Variants in OGFRL1 observed in about 807,000 individuals in gnomAD.
OGFRL1 encodes the protein opioid growth factor receptor-like protein 1.
In OGFRL1, 26 loss-of-function variants were observed where a neutral mutation model predicts 32.4. The observed-to-expected ratio is 0.80, with a 90% CI of 0.59 to 1.11. The LOEUF (loss-of-function observed/expected upper bound fraction) is 1.11. Among genes scored for constraint, OGFRL1 ranks in the 50% most tolerant of loss-of-function variants. The probability of loss-of-function intolerance (pLI) is 0.00; values close to 1 mark genes in which losing one functional copy is unlikely to be tolerated. For missense variants in OGFRL1, 521 were observed against 546.4 expected, an observed-to-expected ratio of 0.95 and a Z score of 0.46; for synonymous variants, 211 against 201.2, an observed-to-expected ratio of 1.05 and a Z score of -0.41.
intron 6 of OGFRL1, among the ~76,000 whole-genome samples, chr6:71,297,727 A>C (rs138371027): frequency 3.2e-4 from 49 of 152,092 alleles, no homozygotes; most frequent in Middle Eastern, 6.8e-3. Context: ...TTTGTGCATC[A>C]GTTAACTATT....
chr6:71,296,045 C>T (rs1766197750), intron 3 of OGFRL1, among the ~76,000 whole-genome samples: 1 of 152,248 alleles, frequency 6.6e-6, no homozygotes, highest in South Asian at 2.1e-4. Flanking sequence ...ATTTAAAAAA[C>T]AGCTGGCAGG....
At chr6:71,291,408 C>CA (rs1417124071) in intron 1 of OGFRL1, 1 of 152,122 alleles carries the variant, frequency 6.6e-6, no homozygotes, top group Non-Finnish European at 1.5e-5. Context: ...TGGTGATTTG[C>CA]TATAAAAAAG....
rs1006386388 is a variant in OGFRL1, at chr6:71,305,600, T to G, written c.*3551T>G. 1.3e-5 allele frequency: 2 copies of G among 152,064 alleles called. No homozygotes were observed. The highest frequency in any genetic ancestry group is 6.6e-5 in the Admixed American group (1 of 15,260). 9.4% of individuals were successfully genotyped at this position (152,064 alleles called of 1,614,324 possible). On this transcript the variant is annotated 3_prime_UTR_variant, in exon 7 of 7. Coordinates refer to ENST00000370435, the MANE Select transcript of OGFRL1 (RefSeq NM_024576.5). ...GAGTTACTAGAGAAGTTCTAAGTATTTTTTTGCTAAGTAGTAAAAATATAA... is the reference window on the plus strand; with the variant it reads ...GAGTTACTAGAGAAGTTCTAAGTATGTTTTTGCTAAGTAGTAAAAATATAA...
In OGFRL1 at chr6:71,289,153, G is replaced by A; in HGVS notation, c.217G>A (p.Ala73Thr). ...CCCCGCGCCGGACGAGGACGCCGAG[G>A]CGGCGGGCGCCGAGCAGGTACGCGG... The part of the protein sequence containing the change: ...ASPAPDEDAE[A>T]AGAEQGGDST... The change falls in exon 1 of 7, where the codon GCG becomes ACG. Residue 73 changes from alanine (A) to threonine (T), a missense_variant. Physicochemically the swap from Ala to Thr is moderately conservative, Grantham distance 58. Coordinates refer to ENST00000370435, the MANE Select transcript of OGFRL1 (RefSeq NM_024576.5). 4 of 1,080,552 alleles carry A rather than the reference G, an allele frequency of 3.7e-6. No individual in the cohort carries two copies. The highest frequency in any genetic ancestry group is 4.5e-6 in the Non-Finnish European group (4 of 894,138). The allele number at this position is 1,080,552 out of a possible 1,614,324, so 66.9% of individuals were successfully genotyped here.
intron 3 of OGFRL1, 53 bp downstream of exon 3, chr6:71,293,664 G>GT: frequency 8.3e-7 from 1 of 1,198,358 alleles, no homozygotes; most frequent in East Asian, 2.4e-5. Flanking sequence ...CATACACTTG[G>GT]TTATTCTTTA....
chr6:71,289,914 C>A, intron 1 of OGFRL1: 1 of 739,362 alleles, frequency 1.4e-6, no homozygotes, highest in South Asian at 6.1e-5. Flanking sequence ...AGTGTGCATC[C>A]TGGAGGTGGT....
chr6:71,305,890 A>T lies in OGFRL1; in HGVS notation c.*3841A>T, dbSNP rs1489329047. On this transcript the variant is annotated 3_prime_UTR_variant, in exon 7 of 7. Transcript: ENST00000370435. The stretch of plus-strand genomic sequence containing the variant: ...GTTTTAATATTAAATTTTCAAGTTT[A>T]TAATAGAGTTATGGTTGAGTAGTCA... 3 of 152,178 alleles carry T rather than the reference A, an allele frequency of 2.0e-5. No homozygotes were observed. Among genetic ancestry groups the T allele is most frequent in the East Asian group, 3.8e-4 (2 of 5,196 alleles). 9.4% of individuals were successfully genotyped at this position (152,178 alleles called of 1,614,324 possible).
At chr6:71,295,392 A>G (rs1249839858) in intron 3 of OGFRL1, 1 of 152,202 alleles carries the variant, frequency 6.6e-6, no homozygotes, top group African/African-American at 2.4e-5. Context: ...GAGAAATATT[A>G]TATTGCTATT....
At chr6:71,292,920 C>G (rs1998405) in intron 1 of OGFRL1, among the ~76,000 whole-genome samples, 1 of 152,034 alleles carries the variant, frequency 6.6e-6, no homozygotes, top group Non-Finnish European at 1.5e-5. Flanking sequence ...GTAAAATATT[C>G]TAAAATAAGT....
chr6:71,290,795 G>C, intron 1 of OGFRL1, among the ~76,000 whole-genome samples: 1 of 152,194 alleles, frequency 6.6e-6, no homozygotes, highest in East Asian at 1.9e-4. Context: ...TCTGAATACT[G>C]AACAAATGAT....
At chr6:71,289,748 T>TGA in intron 1 of OGFRL1, 1 of 985,338 alleles carries the variant, frequency 1.0e-6, no homozygotes, top group South Asian at 4.7e-5. Context: ...GAATCTTATT[T>TGA]CACCAGAAGA....
Position 71,301,598 on chromosome 6 carries a change from A to G in OGFRL1, c.905A>G (p.Lys302Arg), listed in dbSNP as rs751334575. Reference sequence around the variant, plus strand: ...AGAAAGCTCCTGCGGTTCGCCCAGAAACACTACACGCCTTCAGAGAACTTT... The same window carrying G: ...AGAAAGCTCCTGCGGTTCGCCCAGAGACACTACACGCCTTCAGAGAACTTT... ...ERRKLLRFAQKHYTPSENFIW... is the reference protein window; with the variant it reads ...ERRKLLRFAQRHYTPSENFIW... Residue 302 changes from lysine to arginine, a missense_variant, in exon 7 of 7, where the codon AAA (lysine) becomes AGA (arginine). Physicochemically the swap from Lys to Arg is conservative, Grantham distance 26. Coordinates refer to ENST00000370435, the MANE Select transcript of OGFRL1 (RefSeq NM_024576.5). 52 of 1,614,112 alleles carry G rather than the reference A, an allele frequency of 3.2e-5. No homozygotes were observed. In the Admixed American group the frequency reaches 7.7e-4, roughly 24 times the overall value.
Position 71,289,165 on chromosome 6 carries a change from G to A in OGFRL1, c.229G>A (p.Glu77Lys), listed in dbSNP as rs973418525. The A allele has an allele frequency of 1.0e-5, 11 of 1,073,998 alleles. No homozygotes were observed. In the East Asian group the frequency reaches 7.1e-4, roughly 70 times the overall value. 66.5% of individuals were successfully genotyped at this position (1,073,998 alleles called of 1,614,324 possible). The change falls in exon 1 of 7, where the codon GAG becomes AAG. Residue 77 changes from glutamate (E) to lysine (K), a missense_variant. Transcript: ENST00000370435. ...CGAGGACGCCGAGGCGGCGGGCGCC[G>A]AGCAGGTACGCGGCCCAGCGGTGGC... ...PDEDAEAAGA[E>K]QGGDSTEATA...
chr6:71,293,603 A>T lies in OGFRL1; in HGVS notation c.392A>T (p.Lys131Met). 3 of 1,604,024 alleles carry T rather than the reference A, an allele frequency of 1.9e-6. No homozygotes were observed. The highest frequency in any genetic ancestry group is 2.6e-6 in the Non-Finnish European group (3 of 1,171,232). ...LRFYKNKIPF[K>M]PDGVYIEEVL... ...TTTTATAAGAATAAAATTCCATTCA[A>T]GCCAGATGGTGAGTAACGTACTACT... is the stretch of plus-strand genomic sequence containing the variant. The change falls in exon 3 of 7, where the codon AAG (lysine) becomes ATG (methionine). Residue 131 changes from lysine to methionine, a missense_variant. Transcript: ENST00000370435.
intron 6 of OGFRL1, among the ~76,000 whole-genome samples, chr6:71,299,642 G>T (rs1446382873): frequency 6.6e-6 from 1 of 152,026 alleles, no homozygotes; most frequent in African/African-American, 2.4e-5. Context: ...TTTTCTCATA[G>T]ATATATGAGG....
rs1766419163 is a variant in OGFRL1, at chr6:71,302,115, A to C, written c.*66A>C. ...AAAAACTACTGTATCATTTATCCTA[A>C]AGAACAGAGATGAGGTCAATTTCAA... On this transcript the variant is annotated 3_prime_UTR_variant, in exon 7 of 7. Transcript: ENST00000370435. 5 of 1,332,086 alleles carry C rather than the reference A, an allele frequency of 3.8e-6. No homozygotes were observed. Among genetic ancestry groups the C allele is most frequent in the Non-Finnish European group, 4.9e-6 (5 of 1,010,450 alleles). 82.5% of individuals were successfully genotyped at this position (1,332,086 alleles called of 1,614,324 possible).
At position 71,296,530 on chromosome 6, in the gene OGFRL1, A is replaced by G. The variant is rs922919489; in HGVS notation, c.515A>G (p.Tyr172Cys). 3 of 1,611,750 alleles carry G rather than the reference A, an allele frequency of 1.9e-6. No individual in the cohort carries two copies. Among genetic ancestry groups the G allele is most frequent in the African/African-American group, 1.3e-5 (1 of 74,848 alleles). Reference sequence around the variant, plus strand: ...CTGAGAGAACAAGGCTTGAACTTCTATGCCAAAGAACTAACTACATATGAA... The same window carrying G: ...CTGAGAGAACAAGGCTTGAACTTCTGTGCCAAAGAACTAACTACATATGAA... ...FPLREQGLNF[Y>C]AKELTTYEIE... The change falls in exon 5 of 7, where the codon TAT (tyrosine) becomes TGT (cysteine). Residue 172 changes from tyrosine to cysteine, a missense_variant. Tyr to Cys is a radical substitution (Grantham distance 194). Transcript: ENST00000370435.
chr6:71,296,168 A>C lies in OGFRL1; in HGVS notation c.401-149A>C, dbSNP rs892346562. On this transcript the variant is annotated intron_variant, in intron 3 of 6. Transcript: ENST00000370435. ...TTATCACATAACCGAATATATGGGC[A>C]TAGGGTATTCATCTTTTTAAAAGCA... 52 of 585,274 alleles carry C rather than the reference A, an allele frequency of 8.9e-5. 1 individual carries two copies. In the South Asian group the frequency reaches 1.2e-3, roughly 14 times the overall value. 36.3% of individuals were successfully genotyped at this position (585,274 alleles called of 1,614,324 possible).
rs1008075202 is a variant in OGFRL1 at position 71,288,833 on chromosome 6, G to T, written c.-104G>T. ...GGCAGTGCGGGGCGGGCGCGCCTAG[G>T]CTGCCGCCCAGCGCCCTCGCCGCGG... On this transcript the variant is annotated 5_prime_UTR_variant, in exon 1 of 7. Transcript: ENST00000370435. 2.3e-6 allele frequency: 2 copies of T among 861,260 alleles called. No individual in the cohort carries two copies. The highest frequency in any genetic ancestry group is 2.8e-6 in the Non-Finnish European group (2 of 708,868). 53.4% of individuals were successfully genotyped at this position (861,260 alleles called of 1,614,324 possible). A position where few individuals can be genotyped will look rare whatever the true frequency, so the allele number is the denominator to read the frequency against.
Sources: allele counts gnomAD v4.1 joint callset (sites outside exome capture counted in the v4.1 genomes callset), GRCh38; gene constraint gnomAD v4.1.1; transcripts MANE v1.5; gene names NCBI Gene and HGNC (gene_info 2026-07-23, HGNC 2026-07-21).